The following KATNIP variants were observed in gnomAD, a reference collection of about 807,000 sequenced individuals.
KATNIP encodes the protein katanin-interacting protein.
KATNIP carries 126 observed loss-of-function variants against 174.0 expected under a neutral mutation model. The observed-to-expected ratio is 0.72, with a 90% CI of 0.63 to 0.84. The LOEUF (loss-of-function observed/expected upper bound fraction) is 0.84, where lower values mean the gene tolerates loss of function less well. KATNIP is among the 40% of genes least tolerant of loss of function. The probability of loss-of-function intolerance (pLI) is 0.00; values close to 1 mark genes in which losing one functional copy is unlikely to be tolerated. For synonymous variants in KATNIP, 810 were observed against 835.7 expected (o/e 0.97, Z 0.53); for missense variants, 1,958 against 2,109.7 (o/e 0.93, Z 1.41).
Position 27,677,810 on chromosome 16 carries a change from G to A in KATNIP, c.622G>A (p.Glu208Lys). Residue 208 changes from glutamate (E) to lysine (K), a missense_variant, in exon 7 of 28, where the codon GAG becomes AAG. Physicochemically the swap from Glu to Lys is moderately conservative, Grantham distance 56. Coordinates refer to ENST00000261588, the MANE Select transcript of KATNIP (RefSeq NM_015202.5). ...DCSSDEYDSI[E>K]EDILSEPEPE... ...TTCCAGCGATGAGTATGACTCTATT[G>A]AGGAAGACATACTCTCTGAGCCTGA... The A allele has an allele frequency of 1.2e-6, 2 of 1,614,104 alleles. No homozygotes were observed. Among genetic ancestry groups the A allele is most frequent in the Non-Finnish European group, 1.7e-6 (2 of 1,179,964 alleles).
At chr16:27,721,985 T>G (rs894951442) in intron 14 of KATNIP, among the ~76,000 whole-genome samples, 3 of 152,210 alleles carry the variant, frequency 2.0e-5, no homozygotes, top group Admixed American at 6.5e-5. Flanking sequence ...AGAGAGGTTA[T>G]GTAACTTGCC....
chr16:27,648,637 C>T lies in KATNIP; in HGVS notation c.442C>T (p.Arg148Trp), dbSNP rs141639010. Reference sequence around the variant, plus strand: ...GCAGATCAGAACAGAAGCTGGCCCACGGCTCCACATCGAACCTCCTGTGGA... The same window carrying T: ...GCAGATCAGAACAGAAGCTGGCCCATGGCTCCACATCGAACCTCCTGTGGA... ...SVQIRTEAGP[R>W]LHIEPPVDYS... The change falls in exon 6 of 28, where the codon CGG becomes TGG. Residue 148 changes from arginine to tryptophan, a missense_variant. Arg to Trp is a moderately radical substitution (Grantham distance 101). This residue lies in a region of KATNIP where 1,557 missense variants were observed against 1,617.8 expected (regional missense o/e 0.96). Coordinates refer to ENST00000261588, the MANE Select transcript of KATNIP (RefSeq NM_015202.5). 3.5e-5 allele frequency: 57 copies of T among 1,614,070 alleles called. No homozygotes were observed. The Middle Eastern group carries it at 4.9e-4, about 14-fold the overall frequency.
At chr16:27,551,380 A>G (rs1282073431) in intron 1 of KATNIP, among the ~76,000 whole-genome samples, 1 of 152,144 alleles carries the variant, frequency 6.6e-6, no homozygotes, top group Non-Finnish European at 1.5e-5. Context: ...TTTGTACTTT[A>G]GAGGTACTAT....
At chr16:27,647,345 C>T (rs546144746) in intron 5 of KATNIP, among the ~76,000 whole-genome samples, 1 of 152,076 alleles carries the variant, frequency 6.6e-6, no homozygotes, top group African/African-American at 2.4e-5. Context: ...AAAGCCCCCC[C>T]CTTTCTTTTA....
chr16:27,673,233 A>C (rs2077984203), intron 6 of KATNIP, among the ~76,000 whole-genome samples: 1 of 152,214 alleles, frequency 6.6e-6, no homozygotes. Flanking sequence ...TTTTCTGAGC[A>C]TCAAAGGAGA....
chr16:27,694,638 A>C (rs374336413), intron 8 of KATNIP, among the ~76,000 whole-genome samples: 1 of 151,988 alleles, frequency 6.6e-6, no homozygotes, highest in East Asian at 1.9e-4. Context: ...TCTACAAAAA[A>C]TACAAAAATT....
chr16:27,587,485 G>A (rs149021377), intron 2 of KATNIP, among the ~76,000 whole-genome samples: 183 of 152,306 alleles, frequency 1.2e-3, no homozygotes, highest in African/African-American at 4.3e-3. Context: ...AAAATGGTTC[G>A]TTATCGTACC....
At chr16:27,592,997 A>T (rs533256433) in intron 2 of KATNIP, among the ~76,000 whole-genome samples, 3 of 152,354 alleles carry the variant, frequency 2.0e-5, no homozygotes, top group Non-Finnish European at 2.9e-5. Flanking sequence ...GGAGCTTCAC[A>T]GAATCATCTG....
chr16:27,640,027 A>G (rs971968055), intron 5 of KATNIP, among the ~76,000 whole-genome samples: 2 of 152,154 alleles, frequency 1.3e-5, no homozygotes, highest in African/African-American at 4.8e-5. Context: ...CTTTTTTTCT[A>G]CTTGACAATA....
At chr16:27,694,746 A>C (rs1434525683) in intron 8 of KATNIP, among the ~76,000 whole-genome samples, 1 of 152,116 alleles carries the variant, frequency 6.6e-6, no homozygotes, top group Non-Finnish European at 1.5e-5. Context: ...CAGTGAGCCG[A>C]GATTGTGCCA....
rs183903879 is a variant in KATNIP, at chr16:27,772,965, T to C, written c.4199-134T>C. 2.1e-4 allele frequency: 125 copies of C among 609,058 alleles called. No individual in the cohort carries two copies. The East Asian group carries it at 3.2e-3, about 15-fold the overall frequency. The allele number at this position is 609,058 out of a possible 1,614,324, so 37.7% of individuals were successfully genotyped here. A position where few individuals can be genotyped will look rare whatever the true frequency, so the allele number is the denominator to read the frequency against. On this transcript the variant is annotated intron_variant, in intron 22 of 27. Transcript: ENST00000261588. ...CTACCTATATTTTGATAGGCTCTAGTTGCAATAAGAGAAAAATGTTTTTCT... is the reference window on the plus strand; with the variant it reads ...CTACCTATATTTTGATAGGCTCTAGCTGCAATAAGAGAAAAATGTTTTTCT...
chr16:27,571,313 A>G (rs2090283181), intron 1 of KATNIP, among the ~76,000 whole-genome samples: 1 of 152,208 alleles, frequency 6.6e-6, no homozygotes, highest in Admixed American at 6.5e-5. Context: ...AATTACAGGC[A>G]TGAGCCACCA....
Position 27,699,519 on chromosome 16 carries a change from A to G in KATNIP, c.1114-15A>G, listed in dbSNP as rs773747859. The G allele has an allele frequency of 1.2e-6, 2 of 1,614,018 alleles. No individual in the cohort carries two copies. Among genetic ancestry groups the G allele is most frequent in the East Asian group, 4.5e-5 (2 of 44,884 alleles). Reference sequence around the variant, plus strand: ...CTTTGTTCCAACATCACATCATGTGATCACATCCTTCCAGGATGCAGAAGG... The same window carrying G: ...CTTTGTTCCAACATCACATCATGTGGTCACATCCTTCCAGGATGCAGAAGG... On this transcript the variant is annotated splice_polypyrimidine_tract_variant and intron_variant, in intron 9 of 27. Transcript: ENST00000261588.
At chr16:27,573,664 C>A (rs1031233337) in intron 1 of KATNIP, among the ~76,000 whole-genome samples, 5 of 152,200 alleles carry the variant, frequency 3.3e-5, no homozygotes, top group African/African-American at 4.8e-5. Context: ...AGATTAAAGG[C>A]TGGAGCTTTG....
At chr16:27,683,748 C>A (rs978634370) in intron 8 of KATNIP, among the ~76,000 whole-genome samples, 2 of 152,076 alleles carry the variant, frequency 1.3e-5, no homozygotes, top group African/African-American at 4.8e-5. Context: ...TTTCGGAGCT[C>A]CCTCAGCAGG....
intron 2 of KATNIP, among the ~76,000 whole-genome samples, chr16:27,600,684 C>T (rs1355416834): frequency 6.6e-6 from 1 of 151,870 alleles, no homozygotes; most frequent in Non-Finnish European, 1.5e-5. Flanking sequence ...CCAGTAATCC[C>T]AGGCCCCCTC....
At chr16:27,582,157 C>T (rs548334689) in intron 2 of KATNIP, among the ~76,000 whole-genome samples, 15 of 152,308 alleles carry the variant, frequency 9.8e-5, no homozygotes, top group African/African-American at 2.9e-4. Flanking sequence ...ACTCCACTAG[C>T]GCGCAAACTG....
Position 27,701,664 on chromosome 16 carries a change from G to T in KATNIP, c.1255G>T (p.Ala419Ser). The T allele has an allele frequency of 6.2e-7, 1 of 1,606,912 alleles. No individual in the cohort carries two copies. Among genetic ancestry groups the T allele is most frequent in the East Asian group, 2.2e-5 (1 of 44,714 alleles). ...AAGGARAINQ[A>S]MDRIGLLGSR... is the part of the protein sequence containing the mutation. ...AGGAGGAGCCAGGGCCATCAACCAG[G>T]CCATGGACAGAATTGGGCTTCTGGG... Residue 419 changes from alanine to serine, a missense_variant, in exon 11 of 28, where the codon GCC becomes TCC. Coordinates refer to ENST00000261588, the MANE Select transcript of KATNIP (RefSeq NM_015202.5).
Position 27,699,315 on chromosome 16 carries a change from C to T in KATNIP, c.1114-219C>T, listed in dbSNP as rs571176909. On this transcript the variant is annotated intron_variant, in intron 9 of 27. Transcript: ENST00000261588. The stretch of plus-strand genomic sequence containing the variant: ...CAAGCCCAGGGCCCTGTCACCAGCA[C>T]CGGTTGTTCCCCAGGCTCTATCTTG... Among the ~76,000 whole-genome samples the T allele has an allele frequency of 8.2e-4, 125 of 152,284 alleles. 1 individual carries two copies. The highest frequency in any genetic ancestry group is 3.4e-3 in the Middle Eastern group (1 of 294).
Sources: gnomAD v4.1 joint callset for allele counts (sites outside exome capture counted in the v4.1 genomes callset) on GRCh38, gnomAD v4.1.1 for gene constraint, gnomAD v4.1.1 regional missense constraint, MANE v1.5 for transcripts, NCBI Gene and HGNC (gene_info 2026-07-23, HGNC 2026-07-21) for gene names.